Variants in LARGE1 observed in about 807,000 individuals in gnomAD.
LARGE1 encodes LARGE xylosyl- and glucuronyltransferase 1, also known as xylosyl- and glucuronyltransferase LARGE1.
A neutral mutation model predicts 87.6 loss-of-function variants in LARGE1; 43 were observed. The observed-to-expected ratio is 0.49, with a 90% CI of 0.38 to 0.63. The LOEUF (loss-of-function observed/expected upper bound fraction) is 0.63. LARGE1 is among the 30% of genes least tolerant of loss of function. The pLI, the probability that LARGE1 is intolerant of heterozygous loss-of-function variation, is 0.00. For missense variants in LARGE1, 802 were observed against 1,000.2 expected, an observed-to-expected ratio of 0.80 and a Z score of 2.67; for synonymous variants, 434 against 394.6, an observed-to-expected ratio of 1.10 and a Z score of -1.18.
chr22:33,139,449 C>T, the LARGE1 span, among the ~76,000 whole-genome samples: 1 of 152,118 alleles, frequency 6.6e-6, no homozygotes, highest in Non-Finnish European at 1.5e-5. Flanking sequence ...TGGGGTCCTT[C>T]ATTTCTCTCA....
the LARGE1 span, among the ~76,000 whole-genome samples, chr22:33,126,666 T>C: frequency 6.6e-6 from 1 of 152,222 alleles, no homozygotes; most frequent in Admixed American, 6.5e-5. Context: ...AAAATGTATG[T>C]AGTAAAATTT....
the LARGE1 span, chr22:33,110,671 C>A: frequency 6.6e-6 from 1 of 152,152 alleles, no homozygotes; most frequent in Non-Finnish European, 1.5e-5. Flanking sequence ...GTTCGCACAG[C>A]GCGGAATTTG....
chr22:33,683,360 G>C (rs997379567), intron 2 of LARGE1, among the ~76,000 whole-genome samples: 2 of 152,220 alleles, frequency 1.3e-5, no homozygotes, highest in Non-Finnish European at 2.9e-5. Flanking sequence ...AACTTGAACA[G>C]AAATATAGCT....
At chr22:33,556,618 G>A (rs2077698300) in intron 6 of LARGE1, among the ~76,000 whole-genome samples, 2 of 150,174 alleles carry the variant, frequency 1.3e-5, no homozygotes, top group African/African-American at 4.9e-5. Context: ...CAGGGAAGGA[G>A]GGAAGGAGGG....
intron 1 of LARGE1, among the ~76,000 whole-genome samples, chr22:33,904,491 T>C (rs969263598): frequency 2.0e-5 from 3 of 152,158 alleles, no homozygotes; most frequent in African/African-American, 7.2e-5. Flanking sequence ...GGGAAAAAGA[T>C]GCTTTCCCTC....
At chr22:33,361,678 T>C (rs1204026504) in intron 9 of LARGE1, among the ~76,000 whole-genome samples, 4 of 145,384 alleles carry the variant, frequency 2.8e-5, no homozygotes, top group African/African-American at 1.0e-4. Context: ...TATCTGAATC[T>C]GAATTCCTTG....
At chr22:33,854,378 G>A (rs2018285) in intron 1 of LARGE1, among the ~76,000 whole-genome samples, 25,497 of 151,966 alleles carry the variant, frequency 0.17, 2,734 homozygotes, top group East Asian at 0.33. Flanking sequence ...TGGGAGCATC[G>A]GTTTCAGTTT....
At chr22:33,515,180 T>A (rs1181308866) in intron 6 of LARGE1, among the ~76,000 whole-genome samples, 1 of 151,916 alleles carries the variant, frequency 6.6e-6, no homozygotes, top group East Asian at 1.9e-4. Context: ...ATGATGTGAT[T>A]CCAGACCGCA....
chr22:33,169,684 T>A (rs140853784), intron 11 of LARGE1, among the ~76,000 whole-genome samples: 47 of 151,982 alleles, frequency 3.1e-4, no homozygotes, highest in Non-Finnish European at 5.9e-4. Context: ...ACCCCGCCTC[T>A]ACGAAAAATA....
chr22:33,513,367 C>T (rs909328792), intron 6 of LARGE1, among the ~76,000 whole-genome samples: 4 of 152,130 alleles, frequency 2.6e-5, no homozygotes, highest in Non-Finnish European at 4.4e-5. Context: ...GCTGAGATTC[C>T]TCTGTGAGCT....
chr22:33,874,480 T>G (rs56875247), intron 1 of LARGE1, among the ~76,000 whole-genome samples: 8,903 of 152,270 alleles, frequency 0.058, 890 homozygotes, highest in African/African-American at 0.2. Flanking sequence ...CGGAGCAATT[T>G]GCTCAACGAA....
intron 6 of LARGE1, among the ~76,000 whole-genome samples, chr22:33,553,380 G>T (rs910562948): frequency 4.6e-5 from 7 of 152,008 alleles, no homozygotes; most frequent in African/African-American, 9.7e-5. Flanking sequence ...GCCAGACGTG[G>T]TAGCACATGC....
intron 6 of LARGE1, among the ~76,000 whole-genome samples, chr22:33,481,153 T>C (rs2069304855): frequency 6.6e-6 from 1 of 151,904 alleles, no homozygotes; most frequent in East Asian, 1.9e-4. Context: ...CTTTAGTGAT[T>C]TATACTTCTT....
At chr22:33,598,145 G>A (rs2079027361) in intron 5 of LARGE1, among the ~76,000 whole-genome samples, 1 of 152,176 alleles carries the variant, frequency 6.6e-6, no homozygotes, top group Non-Finnish European at 1.5e-5. Context: ...ATAAGCCACA[G>A]AGAGGGAAAC....
intron 2 of LARGE1, among the ~76,000 whole-genome samples, chr22:33,747,024 C>T (rs1244247172): frequency 1.6e-4 from 24 of 152,080 alleles, no homozygotes; most frequent in Admixed American, 1.6e-3. Context: ...TTAAGTGCCC[C>T]GGGGTGGACT....
chr22:33,740,465 C>T (rs2083837397), intron 2 of LARGE1, among the ~76,000 whole-genome samples: 1 of 152,112 alleles, frequency 6.6e-6, no homozygotes, highest in Admixed American at 6.6e-5. Flanking sequence ...CTCCGAGGAC[C>T]TATTATCTTC....
the LARGE1 span, among the ~76,000 whole-genome samples, chr22:33,122,435 T>G: frequency 1.3e-5 from 2 of 150,814 alleles, no homozygotes; most frequent in African/African-American, 4.9e-5. Context: ...CTCGGTTCAC[T>G]GCAACCTCTG....
chr22:33,756,434 A>G (rs777066483), intron 2 of LARGE1, among the ~76,000 whole-genome samples: 40 of 152,216 alleles, frequency 2.6e-4, no homozygotes, highest in African/African-American at 9.6e-4. Flanking sequence ...ACAAGGAGTT[A>G]GGTAAATAGG....
intron 5 of LARGE1, among the ~76,000 whole-genome samples, chr22:33,594,385 A>G (rs2078922534): frequency 1.3e-5 from 2 of 152,200 alleles, no homozygotes; most frequent in Admixed American, 6.5e-5. Context: ...AAAGGGCCTC[A>G]TCGAAAATAC....
Sources: gnomAD v4.1 joint callset for allele counts (sites outside exome capture counted in the v4.1 genomes callset) on GRCh38, gnomAD v4.1.1 for gene constraint, MANE v1.5 for transcripts, NCBI Gene and HGNC (gene_info 2026-07-23, HGNC 2026-07-21) for gene names.